ZNF846: variants seen among roughly 807,000 people sequenced by gnomAD.
ZNF846 encodes the protein zinc finger protein 420 pseudogene.
A neutral mutation model predicts 16.0 loss-of-function variants in ZNF846; 15 were observed. The ratio of observed to expected loss-of-function variants is 0.94; its 90% CI spans 0.63 to 1.45. ZNF846 has a LOEUF of 1.45. Among genes scored for constraint, ZNF846 ranks in the 40% most tolerant of loss-of-function variants. The pLI, the probability that ZNF846 is intolerant of heterozygous loss-of-function variation, is 0.00. For missense variants in ZNF846, 714 were observed against 622.3 expected, an observed-to-expected ratio of 1.15 and a Z score of -1.57; for synonymous variants, 229 against 212.0, an observed-to-expected ratio of 1.08 and a Z score of -0.70.
rs1201779692 is a variant in ZNF846, at chr19:9,757,674, T to A, written c.1403A>T (p.His468Leu). 5 of 1,613,536 alleles carry A rather than the reference T, an allele frequency of 3.1e-6. No individual in the cohort carries two copies. The East Asian group carries it at 8.9e-5, about 29-fold the overall frequency. Residue 468 changes from histidine (H) to leucine (L), a missense_variant, in exon 6 of 6, where the codon CAC becomes CTC. Coordinates refer to ENST00000397902, the Ensembl canonical transcript of ZNF846. ...CTTTTCTCCTGTGTGCGTTCGCATG[T>A]GCATATTAAGATTTGTGGAACGAGC... is the stretch of plus-strand genomic sequence containing the variant.
chr19:9,768,983 C>A (rs897670382), upstream of ZNF846, among the ~76,000 whole-genome samples: 1 of 152,188 alleles, frequency 6.6e-6, no homozygotes, highest in African/African-American at 2.4e-5. Flanking sequence ...GGGTTGGAGG[C>A]GGGGACTGGC....
chr19:9,762,063 C>T lies in ZNF846; in HGVS notation c.229+19G>A. ...GTGGCACAGCAGTGCCATAATACCACATCTGCTTATGAACTCACCCTGCAG... is the reference window on the plus strand; with the variant it reads ...GTGGCACAGCAGTGCCATAATACCATATCTGCTTATGAACTCACCCTGCAG... On this transcript the variant is annotated intron_variant, in intron 4 of 5. Transcript: ENST00000397902. The T allele has an allele frequency of 6.2e-7, 1 of 1,608,326 alleles. No homozygotes were observed. The highest frequency in any genetic ancestry group is 8.5e-7 in the Non-Finnish European group (1 of 1,174,858).
chr19:9,765,315 CG>C (rs760553452), intron 1 of ZNF846, among the ~76,000 whole-genome samples: 7 of 151,970 alleles, frequency 4.6e-5, no homozygotes, highest in Non-Finnish European at 8.8e-5. Context: ...GTGGAGATTG[CG>C]GTGAGCCGAC....
chr19:9,764,791 G>A, intron 2 of ZNF846, 145 bp downstream of exon 2: 2 of 939,132 alleles, frequency 2.1e-6, no homozygotes, highest in Admixed American at 3.8e-5. Context: ...GAGATGGCTT[G>A]GTTCCTAGAG....
downstream of ZNF846, among the ~76,000 whole-genome samples, chr19:9,753,659 G>T (rs1040463588): frequency 6.6e-6 from 1 of 151,622 alleles, no homozygotes; most frequent in African/African-American, 2.4e-5. Flanking sequence ...GTGAATTCTT[G>T]CTTCACCCAT....
At chr19:9,764,212 A>G (rs527893526) in intron 2 of ZNF846, among the ~76,000 whole-genome samples, 19 of 152,278 alleles carry the variant, frequency 1.2e-4, no homozygotes, top group African/African-American at 4.6e-4. Flanking sequence ...AGGCCTCTTT[A>G]AAGTTAAGGC....
intron 1 of ZNF846, among the ~76,000 whole-genome samples, chr19:9,765,400 C>T (rs1055875694): frequency 4.7e-5 from 7 of 147,654 alleles, no homozygotes; most frequent in South Asian, 4.3e-4. Context: ...AGGCCAGGCA[C>T]GGTGGCTGAC....
At chr19:9,773,489 CAT>C (rs1303079372), upstream of ZNF846, among the ~76,000 whole-genome samples, 2 of 152,154 alleles carry the variant, frequency 1.3e-5, no homozygotes, top group African/African-American at 2.4e-5. Flanking sequence ...AATTTTGAAA[CAT>C]AGAATTGCAG....
chr19:9,761,393 G>C (rs1222514416), intron 4 of ZNF846, among the ~76,000 whole-genome samples: 5 of 151,828 alleles, frequency 3.3e-5, no homozygotes, highest in Admixed American at 3.3e-4. Flanking sequence ...ACTATAAAGA[G>C]TTTGGCTATG....
rs750290972 is a variant in ZNF846 at position 9,759,950 on chromosome 19, A to G, written c.230-8T>C. The G allele has an allele frequency of 1.2e-6, 2 of 1,609,764 alleles. No individual in the cohort carries two copies. The highest frequency in any genetic ancestry group is 1.7e-5 in the Admixed American group (1 of 59,792). ...TGAGTTGCAAATCCAATTCTGAAAT[A>G]AAGTGAAAAATGCAGCTTGGGAGAA... is the stretch of plus-strand genomic sequence containing the variant. On this transcript the variant is annotated splice_polypyrimidine_tract_variant and splice_region_variant and intron_variant, in intron 4 of 5. Transcript: ENST00000397902.
chr19:9,771,564 C>A (rs1048482752), upstream of ZNF846, among the ~76,000 whole-genome samples: 3 of 152,182 alleles, frequency 2.0e-5, no homozygotes, highest in African/African-American at 7.2e-5. Context: ...GTTTTCCATT[C>A]CTGAGTTACT....
intron 1 of ZNF846, among the ~76,000 whole-genome samples, chr19:9,780,399 G>C (rs910141925): frequency 6.6e-6 from 1 of 151,830 alleles, no homozygotes; most frequent in African/African-American, 2.4e-5. Flanking sequence ...AATGTTTTAA[G>C]ACTCCACTCA....
chr19:9,757,744 T>C (rs936703110), exon 6 of ZNF846: 3 of 1,613,554 alleles, frequency 1.9e-6, no homozygotes, highest in East Asian at 4.5e-5. Flanking sequence ...TTTTCTCCAG[T>C]GTGAGTTCTT....
upstream of ZNF846, among the ~76,000 whole-genome samples, chr19:9,772,475 C>T (rs1205429494): frequency 2.6e-5 from 4 of 151,916 alleles, no homozygotes; most frequent in African/African-American, 9.7e-5. Context: ...TGGCACGCAC[C>T]TGTAATCACA....
chr19:9,749,536 A>G (rs937365308), downstream of ZNF846, among the ~76,000 whole-genome samples: 7 of 146,682 alleles, frequency 4.8e-5, no homozygotes, highest in Admixed American at 7.0e-5. Context: ...TCCTATCCTG[A>G]TAAGTCTTTC....
intron 1 of ZNF846, among the ~76,000 whole-genome samples, chr19:9,779,761 G>A (rs552778726): frequency 6.6e-6 from 1 of 151,020 alleles, no homozygotes; most frequent in South Asian, 2.1e-4. Context: ...TAGTAGAGAC[G>A]AGGTTTCACC....
downstream of ZNF846, among the ~76,000 whole-genome samples, chr19:9,751,688 C>T (rs563353517): frequency 8.5e-5 from 13 of 152,262 alleles, no homozygotes; most frequent in Admixed American, 1.3e-4. Context: ...CACTTTGTAA[C>T]ATTCCTCCCT....
chr19:9,776,705 T>G lies in ZNF846; in HGVS notation c.-86+9233A>C, dbSNP rs2045447305. Among the ~76,000 whole-genome samples the G allele has an allele frequency of 2.0e-5, 3 of 152,316 alleles. No homozygotes were observed. The South Asian group carries it at 6.2e-4, about 32-fold the overall frequency. ...TCTATCTCTTAGTCTTGTGTCTTTA[T>G]TTCTACACTCTCTTGTCGCCACACA... is the stretch of plus-strand genomic sequence containing the variant. On this transcript the variant is annotated intron_variant, in intron 1 of 4. Transcript: ENST00000586814.
rs375846319 is a variant in ZNF846 at position 9,764,992 on chromosome 19, G to C, written c.-42C>G. ...ACCCAGCCACTAGCCTTGGCTTCTC[G>C]ATGTTCCTGTCATGAAGACAGAAAG... On this transcript the variant is annotated 5_prime_UTR_variant, in exon 2 of 6. It adds an upstream start codon to the 5' untranslated region. Coordinates refer to ENST00000397902, the Ensembl canonical transcript of ZNF846. 1.2e-6 allele frequency: 2 copies of C among 1,612,038 alleles called. No homozygotes were observed. The highest frequency in any genetic ancestry group is 3.3e-5 in the Admixed American group (2 of 59,996).
Sources: allele counts gnomAD v4.1 joint callset (sites outside exome capture counted in the v4.1 genomes callset), GRCh38; gene constraint gnomAD v4.1.1; transcripts MANE v1.5; gene names NCBI Gene and HGNC (gene_info 2026-07-23, HGNC 2026-07-21).